The following KYNU variants were observed in gnomAD, a reference collection of about 807,000 sequenced individuals.
KYNU encodes the protein kynureninase.
Under a neutral mutation model 59.2 loss-of-function variants are expected in KYNU, and 54 were observed. The observed-to-expected ratio is 0.91, with a 90% CI of 0.73 to 1.14. The LOEUF is 1.14. KYNU is among the 50% of genes most tolerant of loss of function. The pLI is 0.00. For synonymous variants in KYNU, 177 were observed against 192.0 expected (o/e 0.92, Z 0.65); for missense variants, 567 against 554.4 (o/e 1.02, Z -0.23).
chr2:143,035,574 C>T (rs1686872066), intron 12 of KYNU, among the ~76,000 whole-genome samples: 2 of 152,054 alleles, frequency 1.3e-5, no homozygotes, highest in South Asian at 4.1e-4. Flanking sequence ...TCTATTAATA[C>T]TTACCTTCCT....
In KYNU at chr2:142,977,372, G is replaced by GATAT. The variant is rs70997538; in HGVS notation, c.730-7701_730-7698dup. On this transcript the variant is annotated intron_variant, in intron 8 of 13. Coordinates refer to ENST00000264170, the MANE Select transcript of KYNU (RefSeq NM_003937.3). ...AGCTTCCTGGATGGAATTTTGTGTG[G>GATAT]ATATATATATATATGAATAATCATA... is the stretch of plus-strand genomic sequence containing the variant. 3.7e-4 allele frequency among the ~76,000 whole-genome samples: 48 copies of GATAT among 131,206 alleles called. 1 individual carries two copies. Among genetic ancestry groups the GATAT allele is most frequent in the Middle Eastern group, 3.9e-3 (1 of 258 alleles). The allele number at this position is 131,206 out of a possible 152,430, so 86.1% of individuals were successfully genotyped here. A position where few individuals can be genotyped will look rare whatever the true frequency, so the allele number is the denominator to read the frequency against.
At chr2:143,012,826 T>A (rs1179449371) in intron 10 of KYNU, among the ~76,000 whole-genome samples, 1 of 152,200 alleles carries the variant, frequency 6.6e-6, no homozygotes, top group Non-Finnish European at 1.5e-5. Context: ...TATCTGCTAC[T>A]TTGTGTCCTC....
At position 142,985,548 on chromosome 2, in the gene KYNU, A is replaced by G. The variant is rs951417474; in HGVS notation, c.828+366A>G. On this transcript the variant is annotated intron_variant, in intron 9 of 13. Transcript: ENST00000264170. Reference sequence around the variant, plus strand: ...TATTTAGAGAATCAACTTAGAATTCATATTTGAAAACAGTTGACAGGGAGC... The same window carrying G: ...TATTTAGAGAATCAACTTAGAATTCGTATTTGAAAACAGTTGACAGGGAGC... Among the ~76,000 whole-genome samples the G allele has an allele frequency of 8.6e-5, 13 of 152,026 alleles. No homozygotes were observed. The East Asian group carries it at 2.5e-3, about 29-fold the overall frequency.
intron 4 of KYNU, among the ~76,000 whole-genome samples, chr2:142,935,773 A>G (rs765206712): frequency 1.3e-4 from 20 of 152,146 alleles, no homozygotes; most frequent in Non-Finnish European, 2.8e-4. Flanking sequence ...GAGGGAAGGA[A>G]AAAGCCGGAA....
intron 8 of KYNU, among the ~76,000 whole-genome samples, chr2:142,976,037 G>A (rs939890307): frequency 4.6e-5 from 7 of 152,090 alleles, no homozygotes; most frequent in East Asian, 3.9e-4. Flanking sequence ...AATTTACCAC[G>A]ACAGTCATAG....
At chr2:143,003,370 C>T (rs1685766526) in intron 10 of KYNU, among the ~76,000 whole-genome samples, 1 of 152,060 alleles carries the variant, frequency 6.6e-6, no homozygotes, top group African/African-American at 2.4e-5. Context: ...TTAAGGCCAG[C>T]CTGGCCAAGA....
intron 10 of KYNU, chr2:142,988,939 GGAAAA>G (rs1685310703): frequency 1.3e-6 from 2 of 1,502,858 alleles, no homozygotes; most frequent in East Asian, 4.5e-5. Flanking sequence ...GTCCCTGATA[GGAAAA>G]GAAATGTTTT....
intron 8 of KYNU, among the ~76,000 whole-genome samples, chr2:142,972,813 TAGAGAGAGAG>T (rs66473877): frequency 6.4e-5 from 8 of 124,202 alleles, no homozygotes; most frequent in South Asian, 2.8e-4. Flanking sequence ...TATATATATA[TAGAGAGAGAG>T]AGAGAGAGAG....
chr2:142,884,226 G>T (rs1218992835), intron 1 of KYNU, among the ~76,000 whole-genome samples: 1 of 152,204 alleles, frequency 6.6e-6, no homozygotes, highest in Non-Finnish European at 1.5e-5. Context: ...TTGAAAGGAA[G>T]AAATTTATAA....
intron 5 of KYNU, among the ~76,000 whole-genome samples, 165 bp from the exon 6 acceptor site, chr2:142,956,038 C>G (rs1221074699): frequency 6.6e-6 from 1 of 152,046 alleles, no homozygotes; most frequent in Non-Finnish European, 1.5e-5. Context: ...TTGAGATTCA[C>G]TGGAAACATG....
At chr2:142,977,612 T>C (rs1300654253) in intron 8 of KYNU, among the ~76,000 whole-genome samples, 3 of 152,126 alleles carry the variant, frequency 2.0e-5, no homozygotes, top group Non-Finnish European at 2.9e-5. Flanking sequence ...CATGTTTTAA[T>C]AGTGAGGAGT....
intron 4 of KYNU, chr2:142,947,039 C>A: frequency 1.3e-6 from 2 of 1,547,118 alleles, no homozygotes; most frequent in South Asian, 2.4e-5. Context: ...GGCTGATTCT[C>A]ACCTCACCCT....
intron 2 of KYNU, among the ~76,000 whole-genome samples, chr2:142,905,031 C>T (rs1434595968): frequency 6.6e-6 from 1 of 152,162 alleles, no homozygotes; most frequent in Non-Finnish European, 1.5e-5. Context: ...CCATAAACAA[C>T]AGTTCTTATG....
chr2:142,935,297 T>A (rs1382380967), intron 4 of KYNU, among the ~76,000 whole-genome samples: 2 of 152,118 alleles, frequency 1.3e-5, no homozygotes, highest in African/African-American at 4.8e-5. Context: ...TTTCTGAAAG[T>A]TTTTCATAGT....
chr2:143,029,214 T>A lies in KYNU; in HGVS notation c.903-413T>A, dbSNP rs143580121. On this transcript the variant is annotated intron_variant, in intron 10 of 13. Transcript: ENST00000264170. ...CCAGATAGTATTTTATCTGCTGAAG[T>A]ATTTGATGACTTATATTACAAATGG... 1.6e-3 allele frequency among the ~76,000 whole-genome samples: 244 copies of A among 152,328 alleles called. 2 individuals carry two copies. Among genetic ancestry groups the A allele is most frequent in the African/African-American group, 5.5e-3 (229 of 41,582 alleles).
chr2:142,946,936 C>T (rs1683804461), intron 4 of KYNU, among the ~76,000 whole-genome samples: 1 of 152,188 alleles, frequency 6.6e-6, no homozygotes, highest in Admixed American at 6.5e-5. Flanking sequence ...GCAGATTCTC[C>T]ATCAGCACTT....
chr2:142,973,593 T>C (rs1239188375), intron 8 of KYNU, among the ~76,000 whole-genome samples: 1 of 152,116 alleles, frequency 6.6e-6, no homozygotes, highest in African/African-American at 2.4e-5. Context: ...TTCCCTCTAA[T>C]TAAGAGCTTG....
intron 10 of KYNU, among the ~76,000 whole-genome samples, chr2:143,008,374 T>G (rs1391235646): frequency 1.1e-5 from 1 of 88,550 alleles, no homozygotes; most frequent in African/African-American, 5.5e-5. Flanking sequence ...TAAATATATA[T>G]GCACCCAATA....
chr2:143,026,640 G>T (rs1399558140), intron 10 of KYNU, among the ~76,000 whole-genome samples: 1 of 152,234 alleles, frequency 6.6e-6, no homozygotes, highest in Non-Finnish European at 1.5e-5. Flanking sequence ...GAACCGGCAG[G>T]ATTGAACTCC....
Sources: allele counts gnomAD v4.1 joint callset (sites outside exome capture counted in the v4.1 genomes callset), GRCh38; gene constraint gnomAD v4.1.1; transcripts MANE v1.5; gene names NCBI Gene and HGNC (gene_info 2026-07-23, HGNC 2026-07-21).